The following AKAP6 variants were observed in gnomAD, a reference collection of about 807,000 sequenced individuals.
The protein encoded by AKAP6 is A-kinase anchor protein 6.
A neutral mutation model predicts 188.5 loss-of-function variants in AKAP6; 58 were observed. That is an observed-to-expected ratio of 0.31 (90% CI 0.25 to 0.38). AKAP6 has a LOEUF of 0.38. Ranked by LOEUF, AKAP6 falls within the 10% of genes least tolerant of loss-of-function variation. AKAP6 has a pLI of 1.00. For synonymous variants in AKAP6, 989 were observed against 998.6 expected (o/e 0.99, Z 0.18); for missense variants, 2,710 against 2,740.0 (o/e 0.99, Z 0.24).
At chr14:32,758,116 C>T (rs956920761) in intron 11 of AKAP6, among the ~76,000 whole-genome samples, 1 of 152,052 alleles carries the variant, frequency 6.6e-6, no homozygotes, top group East Asian at 1.9e-4. Flanking sequence ...ATAGACAATG[C>T]CTTGGAGTCA....
chr14:32,830,124 T>G lies in AKAP6; in HGVS notation c.*319T>G. On this transcript the variant is annotated 3_prime_UTR_variant, in exon 14 of 14. Coordinates refer to ENST00000280979, the MANE Select transcript of AKAP6 (RefSeq NM_004274.5). ...CTCTCTCTCCAGCTAGACTTTTCTC[T>G]TTGCCTCCTCCCTTCCCTTCCACTC... 2 of 595,382 alleles carry G rather than the reference T, an allele frequency of 3.4e-6. No individual in the cohort carries two copies. 36.9% of individuals were successfully genotyped at this position (595,382 alleles called of 1,614,324 possible). A position where few individuals can be genotyped will look rare whatever the true frequency, so the allele number is the denominator to read the frequency against.
At chr14:32,810,621 C>T (rs909385160) in intron 12 of AKAP6, among the ~76,000 whole-genome samples, 11 of 152,234 alleles carry the variant, frequency 7.2e-5, no homozygotes, top group African/African-American at 2.6e-4. Flanking sequence ...TAGGAAAATT[C>T]ATCCTAAAAT....
chr14:32,718,381 TG>T, intron 9 of AKAP6: 1 of 965,330 alleles, frequency 1.0e-6, no homozygotes, highest in Non-Finnish European at 1.2e-6. Flanking sequence ...CTGACAAATA[TG>T]GGTAGGTACC....
chr14:32,451,900 C>T (rs1890947567), intron 2 of AKAP6, among the ~76,000 whole-genome samples: 1 of 152,002 alleles, frequency 6.6e-6, no homozygotes, highest in Non-Finnish European at 1.5e-5. Flanking sequence ...TGTCTTAACC[C>T]TACTTCCTCC....
At chr14:32,758,712 A>G (rs1177190773) in intron 11 of AKAP6, among the ~76,000 whole-genome samples, 1 of 152,160 alleles carries the variant, frequency 6.6e-6, no homozygotes, top group Admixed American at 6.5e-5. Flanking sequence ...CACCCTGGGC[A>G]ACAAGAGTGA....
chr14:32,773,767 C>T lies in AKAP6; in HGVS notation c.3462C>T (p.Cys1154=). 6.2e-7 allele frequency: 1 copy of T among 1,614,112 alleles called. No homozygotes were observed. Among genetic ancestry groups the T allele is most frequent in the Non-Finnish European group, 8.5e-7 (1 of 1,179,986 alleles). ...CQHLLDDRET[C]NLNADHQPMQ... is the part of the protein sequence containing the mutation. The stretch of plus-strand genomic sequence containing the variant: ...ATCTTTTGGATGACCGGGAGACTTG[C>T]AATCTGAATGCAGACCACCAGCCCA... Residue 1154 remains cysteine (C), a synonymous_variant, in exon 12 of 14, where the codon TGC becomes TGT. Coordinates refer to ENST00000280979, the MANE Select transcript of AKAP6 (RefSeq NM_004274.5).
In AKAP6 at chr14:32,405,118, G is replaced by A. The variant is rs188209105; in HGVS notation, c.-34-28342G>A. Among the ~76,000 whole-genome samples the A allele has an allele frequency of 4.6e-5, 7 of 152,100 alleles. No homozygotes were observed. The East Asian group carries it at 1.4e-3, about 30-fold the overall frequency. ...TCTCTTTTCCTAATCTCAAGCCAGT[G>A]GTCCTGTATGAACCCAATCAGAAGC... On this transcript the variant is annotated intron_variant, in intron 1 of 13. Coordinates refer to ENST00000280979, the MANE Select transcript of AKAP6 (RefSeq NM_004274.5).
intron 2 of AKAP6, among the ~76,000 whole-genome samples, chr14:32,466,215 C>G (rs1272894614): frequency 1.3e-5 from 2 of 152,190 alleles, no homozygotes; most frequent in Admixed American, 6.5e-5. Flanking sequence ...ACCCAACAGT[C>G]CCATTACTGG....
At chr14:32,637,510 A>ATTTTTG (rs997481999) in intron 7 of AKAP6, among the ~76,000 whole-genome samples, 7 of 152,082 alleles carry the variant, frequency 4.6e-5, no homozygotes, top group African/African-American at 1.7e-4. Flanking sequence ...TTGTTATTTT[A>ATTTTTG]TTTTTGTTTT....
rs2034833922 is a variant in AKAP6 at position 32,832,688 on chromosome 14, C to G, written c.*2883C>G. 1 of 152,536 alleles carries G rather than the reference C, an allele frequency of 6.6e-6. No homozygotes were observed. The highest frequency in any genetic ancestry group is 2.1e-4 in the South Asian group (1 of 4,828). The allele number at this position is 152,536 out of a possible 1,614,324, so 9.4% of individuals were successfully genotyped here. ...CAAACTGTTCCACTGTTGGGCATAT[C>G]TCTTTGTTAGAAAGTTCTTTCTTAG... On this transcript the variant is annotated 3_prime_UTR_variant, in exon 14 of 14. Coordinates refer to ENST00000280979, the MANE Select transcript of AKAP6 (RefSeq NM_004274.5).
intron 11 of AKAP6, among the ~76,000 whole-genome samples, chr14:32,758,600 G>A (rs899965490): frequency 6.6e-6 from 1 of 152,086 alleles, no homozygotes; most frequent in African/African-American, 2.4e-5. Context: ...AGGCGTGGTG[G>A]CACATGCCTG....
Position 32,823,305 on chromosome 14 carries a change from T to A in AKAP6, c.5492T>A (p.Ile1831Lys). The A allele has an allele frequency of 6.2e-7, 1 of 1,613,806 alleles. No homozygotes were observed. The highest frequency in any genetic ancestry group is 8.5e-7 in the Non-Finnish European group (1 of 1,179,912). ...VSDEMKGSKD[I>K]SSSEMTNPSD... ...GATGAGATGAAGGGCAGTAAAGATA[T>A]AAGTAGCAGTGAGATGACCAATCCC... Residue 1831 changes from isoleucine (I) to lysine (K), a missense_variant, in exon 13 of 14, where the codon ATA becomes AAA. Physicochemically the swap from Ile to Lys is moderately radical, Grantham distance 102 (BLOSUM62 -3). This residue lies in a region of AKAP6 where 2,473 missense variants were observed against 2,426.1 expected (regional missense o/e 1.02). Coordinates refer to ENST00000280979, the MANE Select transcript of AKAP6 (RefSeq NM_004274.5).
At chr14:32,487,712 T>A (rs928800558) in intron 2 of AKAP6, among the ~76,000 whole-genome samples, 1 of 152,250 alleles carries the variant, frequency 6.6e-6, no homozygotes, top group African/African-American at 2.4e-5. Context: ...TTAGTGAACT[T>A]CGGATGGGGT....
intron 5 of AKAP6, among the ~76,000 whole-genome samples, chr14:32,589,596 A>C (rs1178797519): frequency 6.6e-6 from 1 of 152,156 alleles, no homozygotes; most frequent in Non-Finnish European, 1.5e-5. Context: ...GGATTCCTGC[A>C]CTGTTTAAAG....
At chr14:32,353,953 A>C (rs571399334) in intron 1 of AKAP6, among the ~76,000 whole-genome samples, 1 of 152,150 alleles carries the variant, frequency 6.6e-6, no homozygotes, top group Non-Finnish European at 1.5e-5. Context: ...TCACCGAAAT[A>C]AAAAAGGATA....
At chr14:32,572,958 C>A (rs941975169) in intron 4 of AKAP6, among the ~76,000 whole-genome samples, 2 of 151,986 alleles carry the variant, frequency 1.3e-5, no homozygotes, top group African/African-American at 4.8e-5. Context: ...GGCTTGGTGC[C>A]AAACAAGGGT....
At position 32,511,095 on chromosome 14, in the gene AKAP6, C is replaced by T. The variant is rs139752497; in HGVS notation, c.325-24459C>T. Among the ~76,000 whole-genome samples, 371 of 152,308 alleles carry T rather than the reference C, an allele frequency of 2.4e-3. 1 individual carries two copies. Among genetic ancestry groups the T allele is most frequent in the Non-Finnish European group, 4.2e-3 (285 of 68,032 alleles). ...AGTGTAAGTGAATGGACAAGCAACA[C>T]GGACAAAGTTTAATTGCAGGGTCCA... On this transcript the variant is annotated intron_variant, in intron 2 of 13. Transcript: ENST00000280979.
At chr14:32,712,694 A>G (rs1312479195) in intron 9 of AKAP6, among the ~76,000 whole-genome samples, 2 of 152,060 alleles carry the variant, frequency 1.3e-5, no homozygotes, top group Non-Finnish European at 2.9e-5. Context: ...TTCAAGTTTT[A>G]TCTTGCGATT....
At chr14:32,793,478 A>C in intron 12 of AKAP6, among the ~76,000 whole-genome samples, 1 of 152,180 alleles carries the variant, frequency 6.6e-6, no homozygotes, top group Non-Finnish European at 1.5e-5. Flanking sequence ...AAAGCTAACT[A>C]TCCTAAATAT....
Sources: allele counts gnomAD v4.1 joint callset (sites outside exome capture counted in the v4.1 genomes callset), GRCh38; gene constraint gnomAD v4.1.1; regional missense constraint gnomAD v4.1.1; transcripts MANE v1.5; gene names NCBI Gene and HGNC (gene_info 2026-07-23, HGNC 2026-07-21).